NRG3: variants seen among roughly 807,000 people sequenced by gnomAD.
The protein encoded by NRG3 is pro-neuregulin-3, membrane-bound isoform.
A neutral mutation model predicts 66.9 loss-of-function variants in NRG3; 31 were observed. The ratio of observed to expected loss-of-function variants is 0.46; its 90% CI spans 0.35 to 0.63. The LOEUF is 0.63. NRG3 is among the 20% of genes least tolerant of loss of function. NRG3 has a pLI of 0.00. For synonymous variants in NRG3, 393 were observed against 359.4 expected, an observed-to-expected ratio of 1.09 and a Z score of -1.06; for missense variants, 910 against 878.9, an observed-to-expected ratio of 1.04 and a Z score of -0.45.
intron 1 of NRG3, among the ~76,000 whole-genome samples, chr10:81,914,472 C>T (rs908167303): frequency 6.6e-6 from 1 of 152,072 alleles, no homozygotes; most frequent in Non-Finnish European, 1.5e-5. Context: ...GTGGCTCACA[C>T]CTATAATCCC....
rs549525865 is a variant in NRG3, at chr10:82,468,443, G to A, written c.953+109575G>A. On this transcript the variant is annotated intron_variant, in intron 2 of 8. Coordinates refer to ENST00000372141, the MANE Select transcript of NRG3 (RefSeq NM_001010848.4). ...CATTGAGGTGGATGAGATTACATAT[G>A]AGAGACCTTCAATGTGACCCAGATC... Among the ~76,000 whole-genome samples, 7 of 152,222 alleles carry A rather than the reference G, an allele frequency of 4.6e-5. No individual in the cohort carries two copies. The East Asian group carries it at 1.4e-3, about 29-fold the overall frequency.
intron 2 of NRG3, among the ~76,000 whole-genome samples, chr10:82,538,110 G>A (rs1420309493): frequency 1.3e-5 from 2 of 152,184 alleles, no homozygotes; most frequent in Non-Finnish European, 2.9e-5. Context: ...AACAGTCATT[G>A]AGAGGTCTCT....
chr10:82,686,971 C>A (rs1010652229), intron 2 of NRG3, among the ~76,000 whole-genome samples: 5 of 152,180 alleles, frequency 3.3e-5, no homozygotes, highest in African/African-American at 1.2e-4. Context: ...TTTCAGATTT[C>A]TCAGAGAACC....
At chr10:82,803,401 T>C (rs1306972844) in intron 3 of NRG3, among the ~76,000 whole-genome samples, 4 of 152,258 alleles carry the variant, frequency 2.6e-5, no homozygotes, top group Non-Finnish European at 5.9e-5. Context: ...GTTACCCATC[T>C]ATCTCCTAAT....
intron 5 of NRG3, among the ~76,000 whole-genome samples, chr10:82,957,279 T>C (rs1308645470): frequency 6.6e-6 from 1 of 151,824 alleles, no homozygotes; most frequent in Non-Finnish European, 1.5e-5. Flanking sequence ...ATTATTAGGG[T>C]AGCAAAACTA....
Position 82,137,315 on chromosome 10 carries a change from A to C in NRG3, c.824-221424A>C, listed in dbSNP as rs148520086. Among the ~76,000 whole-genome samples the C allele has an allele frequency of 1.9e-3, 292 of 152,320 alleles. 2 individuals carry two copies. The highest frequency in any genetic ancestry group is 6.8e-3 in the South Asian group (33 of 4,828). ...GAGCCTTTATGTTGTGAGACGATAA[A>C]AATGTAATATTTAAATTCATGCTAA... On this transcript the variant is annotated intron_variant, in intron 1 of 8. Transcript: ENST00000372141.
chr10:82,969,520 C>T (rs1258668743), intron 6 of NRG3, among the ~76,000 whole-genome samples: 1 of 152,188 alleles, frequency 6.6e-6, no homozygotes, highest in African/African-American at 2.4e-5. Flanking sequence ...TCTTTGTTCT[C>T]TGTCATTTTC....
At chr10:82,526,365 A>G (rs575707526) in intron 2 of NRG3, among the ~76,000 whole-genome samples, 5 of 151,970 alleles carry the variant, frequency 3.3e-5, no homozygotes, top group Admixed American at 2.6e-4. Flanking sequence ...ATTTGAAAGG[A>G]GAACACAGGG....
At chr10:82,227,727 A>G (rs750383643) in intron 1 of NRG3, among the ~76,000 whole-genome samples, 2 of 152,230 alleles carry the variant, frequency 1.3e-5, no homozygotes, top group Non-Finnish European at 2.9e-5. Flanking sequence ...AATATAAAAA[A>G]CATGGTGTTG....
chr10:82,205,068 A>G (rs1351728203), intron 1 of NRG3, among the ~76,000 whole-genome samples: 1 of 152,210 alleles, frequency 6.6e-6, no homozygotes, highest in African/African-American at 2.4e-5. Context: ...GAGATATGCA[A>G]TAAGCAAATG....
At chr10:82,201,950 T>C (rs2074849425) in intron 1 of NRG3, among the ~76,000 whole-genome samples, 1 of 152,070 alleles carries the variant, frequency 6.6e-6, no homozygotes, top group African/African-American at 2.4e-5. Context: ...GTACATAAAG[T>C]TTAGATACGA....
intron 1 of NRG3, among the ~76,000 whole-genome samples, chr10:81,993,585 G>C (rs1014339756): frequency 3.3e-5 from 5 of 151,976 alleles, no homozygotes; most frequent in African/African-American, 1.2e-4. Context: ...GGCCTCAACT[G>C]ATCCTCCCAC....
chr10:81,907,120 T>A (rs1844669833), intron 1 of NRG3, among the ~76,000 whole-genome samples: 1 of 152,190 alleles, frequency 6.6e-6, no homozygotes, highest in African/African-American at 2.4e-5. Flanking sequence ...AAGACTTTTC[T>A]AGCTTCCATT....
At chr10:82,885,186 T>C (rs1842625368) in intron 4 of NRG3, among the ~76,000 whole-genome samples, 1 of 152,238 alleles carries the variant, frequency 6.6e-6, no homozygotes. Flanking sequence ...TCTTTCTTTT[T>C]TGGAAAATGT....
intron 1 of NRG3, among the ~76,000 whole-genome samples, chr10:82,080,639 A>G (rs1426605742): frequency 6.6e-6 from 1 of 152,132 alleles, no homozygotes; most frequent in Admixed American, 6.5e-5. Flanking sequence ...ACCATATTTA[A>G]TACAGTGCAT....
At chr10:82,707,815 C>A (rs1050560989) in intron 2 of NRG3, among the ~76,000 whole-genome samples, 2 of 134,892 alleles carry the variant, frequency 1.5e-5, no homozygotes, top group African/African-American at 2.7e-5. Context: ...TTGAGACAAG[C>A]CTGACCAACA....
intron 1 of NRG3, among the ~76,000 whole-genome samples, chr10:82,053,471 C>T (rs902915688): frequency 6.6e-6 from 1 of 152,150 alleles, no homozygotes. Flanking sequence ...CCTCCTTACA[C>T]ACTCGGTTCC....
intron 1 of NRG3, among the ~76,000 whole-genome samples, chr10:81,941,875 C>A (rs770851727): frequency 7.2e-5 from 11 of 152,212 alleles, no homozygotes; most frequent in Non-Finnish European, 1.3e-4. Context: ...ACATATTGAA[C>A]TTCTGCATTA....
intron 2 of NRG3, among the ~76,000 whole-genome samples, chr10:82,360,960 A>G (rs192106397): frequency 1.3e-5 from 2 of 152,202 alleles, no homozygotes; most frequent in East Asian, 3.9e-4. Flanking sequence ...CAGCCATATT[A>G]GATTAGATCA....
Sources: allele counts gnomAD v4.1 joint callset (sites outside exome capture counted in the v4.1 genomes callset), GRCh38; gene constraint gnomAD v4.1.1; transcripts MANE v1.5; gene names NCBI Gene and HGNC (gene_info 2026-07-23, HGNC 2026-07-21).